NUDT16: variants seen among roughly 807,000 people sequenced by gnomAD.
The protein encoded by NUDT16 is nudix hydrolase 16, also known as U8 snoRNA-decapping enzyme.
Under a neutral mutation model 11.7 loss-of-function variants are expected in NUDT16, and 12 were observed. That is an observed-to-expected ratio of 1.03 (90% confidence interval 0.66 to 1.67). The LOEUF is 1.67. Ranked by LOEUF, NUDT16 falls within the 40% of genes most tolerant of loss-of-function variation. The pLI, the probability that NUDT16 is intolerant of heterozygous loss-of-function variation, is 0.00. For missense variants in NUDT16, 303 were observed against 268.9 expected, an observed-to-expected ratio of 1.13 and a Z score of -0.89; for synonymous variants, 129 against 122.6, an observed-to-expected ratio of 1.05 and a Z score of -0.35.
In NUDT16 at chr3:131,382,090, C is replaced by A; in HGVS notation, c.183C>A (p.Phe61Leu). ...FDGRLGFPGG[F>L]VDTQDRSLED... ...GACGCCTGGGCTTCCCCGGCGGATTCGTGGACACGCAGGACAGAAGCCTAG... is the reference window on the plus strand; with the variant it reads ...GACGCCTGGGCTTCCCCGGCGGATTAGTGGACACGCAGGACAGAAGCCTAG... The change falls in exon 2 of 3, where the codon TTC becomes TTA. Residue 61 changes from phenylalanine (F) to leucine (L), a missense_variant. By Grantham distance (22) the Phe-to-Leu change is conservative. Transcript: ENST00000521288. 1.3e-6 allele frequency: 2 copies of A among 1,588,854 alleles called. No individual in the cohort carries two copies. Among genetic ancestry groups the A allele is most frequent in the South Asian group, 2.3e-5 (2 of 88,780 alleles).
At chr3:131,381,674 C>A (rs1304750832), upstream of NUDT16, 11 of 1,020,492 alleles carry the variant, frequency 1.1e-5, no homozygotes, top group East Asian at 8.2e-5. Context: ...CGCCCCCAGG[C>A]GCCTAGGTTC....
chr3:131,381,874 C>G lies in NUDT16; in HGVS notation c.70C>G (p.His24Asp), dbSNP rs1284011850. Reference protein sequence around the residue: ...ALGSGWRHACHALLYAPDPGM... With the variant: ...ALGSGWRHACDALLYAPDPGM... ...GGGGTCGGGCTGGCGTCATGCGTGC[C>G]ACGCTCTCCTCTACGCGCCGGACCC... is the stretch of plus-strand genomic sequence containing the variant. Residue 24 changes from histidine (H) to aspartate (D), a missense_variant, in exon 1 of 3, where the codon CAC (histidine) becomes GAC (aspartate). Coordinates refer to ENST00000521288, the MANE Select transcript of NUDT16 (RefSeq NM_152395.3). 4.4e-6 allele frequency: 7 copies of G among 1,607,590 alleles called. No homozygotes were observed. The highest frequency in any genetic ancestry group is 3.3e-5 in the Admixed American group (2 of 59,938).
In NUDT16 at chr3:131,383,216, C is replaced by G. The variant is rs1179601601; in HGVS notation, c.463C>G (p.Leu155Val). Residue 155 changes from leucine (L) to valine (V), a missense_variant, in exon 3 of 3, where the codon CTG becomes GTG. Physicochemically the swap from Leu to Val is conservative, Grantham distance 32. Coordinates refer to ENST00000521288, the MANE Select transcript of NUDT16 (RefSeq NM_152395.3). This position sits in a 1 kb window ranked among gnomAD's most constrained non-coding sequence, Gnocchi z 4.4. ...LYTLRDGVGGLPTFLENSFIG... is the reference protein window; with the variant it reads ...LYTLRDGVGGVPTFLENSFIG... ...TACCCTGCGGGATGGTGTAGGAGGC[C>G]TGCCTACCTTCCTGGAGAATTCCTT... 1.2e-6 allele frequency: 2 copies of G among 1,613,962 alleles called. No homozygotes were observed. Among genetic ancestry groups the G allele is most frequent in the South Asian group, 2.2e-5 (2 of 91,068 alleles).
In NUDT16 at chr3:131,381,941, TG is replaced by T. The variant is rs1286870953; in HGVS notation, c.138+1del. 1 of 1,609,394 alleles carries T rather than the reference TG, an allele frequency of 6.2e-7. No individual in the cohort carries two copies. The highest frequency in any genetic ancestry group is 2.2e-5 in the East Asian group (1 of 44,722). On this transcript the variant is annotated frameshift_variant and splice_region_variant, in exon 1 of 3. Transcript: ENST00000521288. LOFTEE classifies it high-confidence loss of function. ...CGCATCCCGCTGCGCTACGCCATACTGGTGAGAAGGGGGCGCGCCCGGCCAC... is the reference window on the plus strand; with the variant it reads ...CGCATCCCGCTGCGCTACGCCATACTGTGAGAAGGGGGCGCGCCCGGCCAC... Reference protein sequence around the residue: ...FGRIPLRYAILMQMRFDGRLG... With the variant: ...FGRIPLRYAIXMQMRFDGRLG...
upstream of NUDT16, chr3:131,381,695 C>T: frequency 8.1e-7 from 1 of 1,239,830 alleles, no homozygotes; most frequent in Non-Finnish European, 1.1e-6. Flanking sequence ...CTCCCCTTAT[C>T]CCTGCAGGGA....
rs1397304785 is a variant in NUDT16, at chr3:131,383,148, C to A, written c.409-14C>A. ...CCTGGGGCCCTAGTGTCTCCTGTCTCCTTCCTTTTACAGGTGCTGGGCCTG... is the reference window on the plus strand; with the variant it reads ...CCTGGGGCCCTAGTGTCTCCTGTCTACTTCCTTTTACAGGTGCTGGGCCTG... On this transcript the variant is annotated splice_polypyrimidine_tract_variant and intron_variant, in intron 2 of 2. Coordinates refer to ENST00000521288, the MANE Select transcript of NUDT16 (RefSeq NM_152395.3). The surrounding 1 kb of genome is among the most constrained non-coding windows in gnomAD (Gnocchi z 4.4). 14 of 1,608,840 alleles carry A rather than the reference C, an allele frequency of 8.7e-6. No homozygotes were observed. The highest frequency in any genetic ancestry group is 1.7e-5 in the Admixed American group (1 of 59,806).
At chr3:131,382,477 A>G in intron 2 of NUDT16, 162 bp downstream of exon 2, 1 of 1,536,480 alleles carries the variant, frequency 6.5e-7, no homozygotes. Flanking sequence ...TATACTCTGA[A>G]TTAGTACTGC....
rs1406411138 is a variant in NUDT16 at position 131,381,927 on chromosome 3, G to A, written c.123G>A (p.Leu41=). 1 of 1,611,860 alleles carries A rather than the reference G, an allele frequency of 6.2e-7. No individual in the cohort carries two copies. Among genetic ancestry groups the A allele is most frequent in the Non-Finnish European group, 8.5e-7 (1 of 1,179,378 alleles). Residue 41 remains leucine, a synonymous_variant, in exon 1 of 3, where the codon CTG becomes CTA. Transcript: ENST00000521288. The part of the protein sequence containing the change: ...DPGMLFGRIP[L]RYAILMQMRF... ...GGATGCTCTTCGGCCGCATCCCGCTGCGCTACGCCATACTGGTGAGAAGGG... is the reference window on the plus strand; with the variant it reads ...GGATGCTCTTCGGCCGCATCCCGCTACGCTACGCCATACTGGTGAGAAGGG...
rs745487090 is a variant in NUDT16, at chr3:131,382,379, C to G, written c.408+64C>G. ...CTCTTCTCCCAAAGCTTTCTCTCCC[C>G]CAAGAAAGCATCCCTGGAGAAAAGT... On this transcript the variant is annotated intron_variant, in intron 2 of 2. Transcript: ENST00000521288. 1.6e-5 allele frequency: 25 copies of G among 1,600,588 alleles called. 1 individual carries two copies. Among genetic ancestry groups the G allele is most frequent in the South Asian group, 1.1e-4 (10 of 90,114 alleles).
rs1347106685 is a variant in NUDT16 at position 131,387,874 on chromosome 3, C to A, written c.*4533C>A. On this transcript the variant is annotated 3_prime_UTR_variant, in exon 3 of 3. Transcript: ENST00000521288. ...GTTTGAAACCAAAAGAGCAGAATTG[C>A]CCCTAATTGATTTAAGTAAACAGCA... 6.6e-6 allele frequency: 1 copy of A among 152,150 alleles called. No homozygotes were observed. Among genetic ancestry groups the A allele is most frequent in the Non-Finnish European group, 1.5e-5 (1 of 68,036 alleles). 9.4% of individuals were successfully genotyped at this position (152,150 alleles called of 1,614,324 possible).
In NUDT16 at chr3:131,382,450, T is replaced by C. The variant is rs139657396; in HGVS notation, c.408+135T>C. On this transcript the variant is annotated intron_variant, in intron 2 of 2. Transcript: ENST00000521288. ...CCTCTCCCCAGCTTTCTTGGTGGAG[T>C]TGGGATCGTGATCATCTATACTCTG... is the stretch of plus-strand genomic sequence containing the variant. 51 of 1,538,284 alleles carry C rather than the reference T, an allele frequency of 3.3e-5. No individual in the cohort carries two copies. In the African/African-American group the frequency reaches 5.2e-4, roughly 16 times the overall value.
intron 2 of NUDT16, 24 bp downstream of exon 2, chr3:131,382,339 C>A (rs2097456210): frequency 1.2e-6 from 2 of 1,612,270 alleles, no homozygotes; most frequent in Non-Finnish European, 1.7e-6. Flanking sequence ...GGGACTCTGT[C>A]CCTTTCCCAA....
chr3:131,382,287 C>T lies in NUDT16; in HGVS notation c.380C>T (p.Ala127Val). ...GAGCTGTTGGCTGTGGAGGCCGGCG[C>T]AACACGCGCCAAGGACCACGGGCTG... ...LEELLAVEAG[A>V]TRAKDHGLEV... The change falls in exon 2 of 3, where the codon GCA (alanine) becomes GTA (valine). Residue 127 changes from alanine (A) to valine (V), a missense_variant. By Grantham distance (64) the Ala-to-Val change is moderately conservative. Transcript: ENST00000521288. 6.2e-7 allele frequency: 1 copy of T among 1,612,900 alleles called. No individual in the cohort carries two copies. The highest frequency in any genetic ancestry group is 1.1e-5 in the South Asian group (1 of 91,068).
Position 131,383,096 on chromosome 3 carries a change from A to G in NUDT16, c.409-66A>G. On this transcript the variant is annotated intron_variant, in intron 2 of 2. Transcript: ENST00000521288. The surrounding 1 kb of genome is among the most constrained non-coding windows in gnomAD (Gnocchi z 4.4). ...AGGGGTGAGGCCTGATCTGCTGGAG[A>G]AAGGATGGAGTTAAGGGAATGAGCC... is the stretch of plus-strand genomic sequence containing the variant. 4 of 1,531,872 alleles carry G rather than the reference A, an allele frequency of 2.6e-6. No individual in the cohort carries two copies. The highest frequency in any genetic ancestry group is 2.5e-5 in the South Asian group (2 of 81,618). The allele number at this position is 1,531,872 out of a possible 1,614,324, so 94.9% of individuals were successfully genotyped here. A position where few individuals can be genotyped will look rare whatever the true frequency, so the allele number is the denominator to read the frequency against.
chr3:131,384,296 CAG>C lies in NUDT16; in HGVS notation c.*958_*959del, dbSNP rs993583524. On this transcript the variant is annotated 3_prime_UTR_variant, in exon 3 of 3. Coordinates refer to ENST00000521288, the MANE Select transcript of NUDT16 (RefSeq NM_152395.3). ...AGTGCTTGTGAGGGTTTCACTAAAA[CAG>C]AGGCAAAACTGTCCATTGAATTCAG... 1.3e-5 allele frequency: 2 copies of C among 152,212 alleles called. No homozygotes were observed. Among genetic ancestry groups the C allele is most frequent in the African/African-American group, 4.8e-5 (2 of 41,422 alleles). 9.4% of individuals were successfully genotyped at this position (152,212 alleles called of 1,614,324 possible).
In NUDT16 at chr3:131,383,075, G is replaced by A; in HGVS notation, c.409-87G>A. ...CCTGGTTCTGCTGGAGTATTAAGGG[G>A]TGAGGCCTGATCTGCTGGAGAAAGG... On this transcript the variant is annotated intron_variant, in intron 2 of 2. Coordinates refer to ENST00000521288, the MANE Select transcript of NUDT16 (RefSeq NM_152395.3). The surrounding 1 kb of genome is among the most constrained non-coding windows in gnomAD (Gnocchi z 4.4). 7.0e-7 allele frequency: 1 copy of A among 1,426,930 alleles called. No homozygotes were observed. The highest frequency in any genetic ancestry group is 9.6e-7 in the Non-Finnish European group (1 of 1,040,944). 88.4% of individuals were successfully genotyped at this position (1,426,930 alleles called of 1,614,324 possible). A position where few individuals can be genotyped will look rare whatever the true frequency, so the allele number is the denominator to read the frequency against.
Position 131,383,183 on chromosome 3 carries a change from C to G in NUDT16, c.430C>G (p.Pro144Ala). ...GLEVLGLVRV[P>A]LYTLRDGVGG... ...ACAGGTGCTGGGCCTGGTGCGAGTG[C>G]CCCTGTATACCCTGCGGGATGGTGT... The change falls in exon 3 of 3, where the codon CCC becomes GCC. Residue 144 changes from proline (P) to alanine (A), a missense_variant. Coordinates refer to ENST00000521288, the MANE Select transcript of NUDT16 (RefSeq NM_152395.3). This position sits in a 1 kb window ranked among gnomAD's most constrained non-coding sequence, Gnocchi z 4.4. The G allele has an allele frequency of 1.9e-6, 3 of 1,612,830 alleles. No individual in the cohort carries two copies. Among genetic ancestry groups the G allele is most frequent in the Non-Finnish European group, 2.5e-6 (3 of 1,179,858 alleles).
At chr3:131,382,572 G>A in intron 2 of NUDT16, 1 of 1,532,906 alleles carries the variant, frequency 6.5e-7, no homozygotes, top group African/African-American at 1.4e-5. Context: ...TCTCTCTGCT[G>A]TTCCCTATTG....
At position 131,381,910 on chromosome 3, in the gene NUDT16, T is replaced by TA. The variant is rs1417458434; in HGVS notation, c.106_107insA (p.Phe36TyrfsTer59). On this transcript the variant is annotated frameshift_variant, in exon 1 of 3. Coordinates refer to ENST00000521288, the MANE Select transcript of NUDT16 (RefSeq NM_152395.3). LOFTEE classifies it high-confidence loss of function. ...CTACGCGCCGGACCCTGGGATGCTC[T>TA]TCGGCCGCATCCCGCTGCGCTACGC... 1 of 1,611,578 alleles carries TA rather than the reference T, an allele frequency of 6.2e-7. No individual in the cohort carries two copies. The highest frequency in any genetic ancestry group is 2.2e-5 in the East Asian group (1 of 44,838).
Sources: allele counts gnomAD v4.1 joint callset, GRCh38; gene constraint gnomAD v4.1.1; non-coding constraint Gnocchi (gnomAD v3.1); transcripts MANE v1.5; gene names NCBI Gene and HGNC (gene_info 2026-07-23, HGNC 2026-07-21).